RBPJ: variants seen among roughly 807,000 people sequenced by gnomAD.
RBPJ encodes the protein recombination signal binding protein for immunoglobulin kappa J region.
RBPJ carries 9 observed loss-of-function variants against 67.8 expected under a neutral mutation model. The ratio of observed to expected loss-of-function variants is 0.13; its 90% CI spans 0.08 to 0.23. The LOEUF is 0.23. Among genes scored for constraint, RBPJ ranks in the 10% least tolerant of loss-of-function variants. The probability of loss-of-function intolerance (pLI) is 1.00; values close to 1 mark genes in which losing one functional copy is unlikely to be tolerated. For missense variants in RBPJ, 305 were observed against 595.6 expected (o/e 0.51, Z 5.08); for synonymous variants, 198 against 203.3 (o/e 0.97, Z 0.22).
intron 7 of RBPJ, among the ~76,000 whole-genome samples, chr4:26,426,679 T>C (rs1421010216): frequency 6.6e-6 from 1 of 151,800 alleles, no homozygotes; most frequent in Non-Finnish European, 1.5e-5. Flanking sequence ...CTTAGAGAGG[T>C]CAGGGAAGTC....
intron 1 of RBPJ, among the ~76,000 whole-genome samples, chr4:26,367,010 G>T (rs1283653788): frequency 1.3e-5 from 2 of 151,970 alleles, no homozygotes; most frequent in South Asian, 4.2e-4. Context: ...TGTAATCCCA[G>T]CTACTCGGGA....
intron 1 of RBPJ, among the ~76,000 whole-genome samples, chr4:26,327,703 G>A (rs906441801): frequency 6.6e-6 from 1 of 151,972 alleles, no homozygotes; most frequent in Non-Finnish European, 1.5e-5. Context: ...AATGTTGGGC[G>A]CAGTAGTAGC....
chr4:26,330,530 T>G (rs781289250), intron 1 of RBPJ, among the ~76,000 whole-genome samples: 4 of 152,214 alleles, frequency 2.6e-5, no homozygotes, highest in Non-Finnish European at 5.9e-5. Flanking sequence ...ATGAAACACA[T>G]ATCATATAGA....
upstream of RBPJ, chr4:26,320,654 C>T: frequency 1.4e-6 from 2 of 1,387,366 alleles, no homozygotes; most frequent in South Asian, 1.4e-5. Context: ...GCCTCCTGAC[C>T]CCTCCATTCC....
chr4:26,219,810 C>G (rs1030997584), intron 1 of RBPJ, among the ~76,000 whole-genome samples: 3 of 152,052 alleles, frequency 2.0e-5, no homozygotes, highest in Admixed American at 1.3e-4. Context: ...GAGTCTCACT[C>G]TGTCACGCAG....
intron 1 of RBPJ, among the ~76,000 whole-genome samples, chr4:26,373,152 A>T (rs1177952005): frequency 6.6e-6 from 1 of 152,230 alleles, no homozygotes. Context: ...TTCCTTTTTC[A>T]TGTAATGGTG....
intron 1 of RBPJ, among the ~76,000 whole-genome samples, chr4:26,349,811 T>G (rs1339451704): frequency 6.6e-6 from 1 of 152,248 alleles, no homozygotes. Flanking sequence ...TAACTGTCTA[T>G]TACATCGGCA....
chr4:26,245,721 CCCTATAATTTT>C (rs1252354096), intron 1 of RBPJ, among the ~76,000 whole-genome samples: 3 of 152,108 alleles, frequency 2.0e-5, no homozygotes, highest in African/African-American at 7.2e-5. Context: ...TTGCAGTTAG[CCCTATAATTTT>C]CTCTTTATTC....
Position 26,428,322 on chromosome 4 carries a change from T to C in RBPJ, c.748-398T>C, listed in dbSNP as rs916096391. On this transcript the variant is annotated intron_variant, in intron 7 of 10. Transcript: ENST00000355476. The stretch of plus-strand genomic sequence containing the variant: ...GGTCTGTAGGCCAGCAGCATTAACA[T>C]CAACTGGGATTTTGTTAGAAATGCA... Among the ~76,000 whole-genome samples, 5 of 152,214 alleles carry C rather than the reference T, an allele frequency of 3.3e-5. No homozygotes were observed. In the East Asian group the frequency reaches 9.6e-4, roughly 29 times the overall value.
intron 1 of RBPJ, among the ~76,000 whole-genome samples, chr4:26,233,139 G>A (rs1719344026): frequency 6.6e-6 from 1 of 152,122 alleles, no homozygotes; most frequent in African/African-American, 2.4e-5. Context: ...TTAAGATTTG[G>A]GATAGTTGGT....
At chr4:26,244,878 C>T (rs1719874649) in intron 1 of RBPJ, among the ~76,000 whole-genome samples, 1 of 152,020 alleles carries the variant, frequency 6.6e-6, no homozygotes. Context: ...AAATGATCTG[C>T]CTGCCTCAGC....
chr4:26,183,743 C>T (rs1285537530), intron 1 of RBPJ, among the ~76,000 whole-genome samples: 1 of 152,172 alleles, frequency 6.6e-6, no homozygotes, highest in African/African-American at 2.4e-5. Flanking sequence ...GGCGTGGTCG[C>T]TCACGCCTGT....
intron 1 of RBPJ, among the ~76,000 whole-genome samples, chr4:26,230,285 A>G (rs950099630): frequency 6.6e-5 from 10 of 152,126 alleles, no homozygotes; most frequent in Non-Finnish European, 1.2e-4. Context: ...ACCTTCCTAC[A>G]TGACTAGATA....
intron 1 of RBPJ, among the ~76,000 whole-genome samples, chr4:26,340,581 C>T (rs946370993): frequency 3.9e-5 from 6 of 151,948 alleles, no homozygotes; most frequent in Non-Finnish European, 4.4e-5. Flanking sequence ...ATATTGGGGC[C>T]GGGCGGGGTA....
the RBPJ span, among the ~76,000 whole-genome samples, chr4:26,123,773 C>G: frequency 2.6e-5 from 4 of 152,118 alleles, no homozygotes; most frequent in Non-Finnish European, 5.9e-5. Context: ...TTAGCCTGTG[C>G]CTCCACAGGG....
At chr4:26,382,050 C>T (rs1269308957) in intron 1 of RBPJ, among the ~76,000 whole-genome samples, 3 of 151,912 alleles carry the variant, frequency 2.0e-5, no homozygotes, top group African/African-American at 7.3e-5. Flanking sequence ...TTTTTTTTCC[C>T]ATTGTTAAAT....
the RBPJ span, among the ~76,000 whole-genome samples, chr4:26,134,036 CT>C: frequency 3.3e-5 from 5 of 151,530 alleles, no homozygotes; most frequent in African/African-American, 1.2e-4. Context: ...CATCATTATC[CT>C]TATGAGTAAC....
chr4:26,334,177 A>T (rs1724561358), intron 1 of RBPJ, among the ~76,000 whole-genome samples: 1 of 151,446 alleles, frequency 6.6e-6, no homozygotes, highest in Admixed American at 6.6e-5. Context: ...AGTAGCTGGG[A>T]TTATAGGCGC....
At chr4:26,388,106 A>C (rs1248954800) in intron 2 of RBPJ, among the ~76,000 whole-genome samples, 1 of 152,240 alleles carries the variant, frequency 6.6e-6, no homozygotes, top group East Asian at 1.9e-4. Context: ...ATCAAAACCA[A>C]CCCAGAAATG....
Sources: gnomAD v4.1 joint callset for allele counts (sites outside exome capture counted in the v4.1 genomes callset) on GRCh38, gnomAD v4.1.1 for gene constraint, MANE v1.5 for transcripts, NCBI Gene and HGNC (gene_info 2026-07-23, HGNC 2026-07-21) for gene names.